ADTRP: variants seen among roughly 807,000 people sequenced by gnomAD.
The protein encoded by ADTRP is androgen dependent TFPI regulating protein.
In ADTRP, 20 loss-of-function variants were observed where a neutral mutation model predicts 27.0. That is an observed-to-expected ratio of 0.74 (90% confidence interval 0.52 to 1.08). ADTRP has a LOEUF of 1.08. Ranked by LOEUF, ADTRP falls within the 50% of genes least tolerant of loss-of-function variation. The probability of loss-of-function intolerance (pLI) is 0.00; values close to 1 mark genes in which losing one functional copy is unlikely to be tolerated. For synonymous variants in ADTRP, 101 were observed against 105.2 expected (o/e 0.96, Z 0.25); for missense variants, 251 against 275.0 (o/e 0.91, Z 0.62).
At chr6:11,770,292 C>T (rs1763727850) in intron 1 of ADTRP, among the ~76,000 whole-genome samples, 1 of 152,128 alleles carries the variant, frequency 6.6e-6, no homozygotes, top group African/African-American at 2.4e-5. Context: ...TTAAAATCCT[C>T]CCAGGTGATT....
intron 3 of ADTRP, among the ~76,000 whole-genome samples, chr6:11,758,576 G>GA (rs1053702046): frequency 6.1e-5 from 1 of 16,326 alleles, no homozygotes; most frequent in Non-Finnish European, 1.3e-4. Flanking sequence ...GTTGTGGGGT[G>GA]GGGGGGGGGG....
chr6:11,733,919 C>T (rs1315007269), intron 4 of ADTRP, among the ~76,000 whole-genome samples: 1 of 152,020 alleles, frequency 6.6e-6, no homozygotes, highest in Non-Finnish European at 1.5e-5. Flanking sequence ...CTTCTTCATC[C>T]CCAAAAAGGA....
At chr6:11,777,726 C>G (rs1037086659) in intron 1 of ADTRP, among the ~76,000 whole-genome samples, 1 of 152,102 alleles carries the variant, frequency 6.6e-6, no homozygotes, top group Non-Finnish European at 1.5e-5. Context: ...CTCTCCATTT[C>G]CACGTCCTTA....
chr6:11,717,095 C>T, intron 5 of ADTRP: 1 of 434,320 alleles, frequency 2.3e-6, no homozygotes, highest in Non-Finnish European at 3.8e-6. Flanking sequence ...GATCATATAT[C>T]TTACCCAAAC....
intron 4 of ADTRP, among the ~76,000 whole-genome samples, chr6:11,729,317 G>C (rs941844390): frequency 7.2e-5 from 11 of 152,144 alleles, no homozygotes; most frequent in Non-Finnish European, 8.8e-5. Context: ...TGTCGGCAGT[G>C]ATGAGAGTCA....
In ADTRP at chr6:11,778,669, C is replaced by T. The variant is rs758519538; in HGVS notation, c.91G>A (p.Glu31Lys). 30 of 1,614,080 alleles carry T rather than the reference C, an allele frequency of 1.9e-5. No homozygotes were observed. Among genetic ancestry groups the T allele is most frequent in the East Asian group, 8.9e-5 (4 of 44,896 alleles). Residue 31 changes from glutamate (E) to lysine (K), a missense_variant, in exon 1 of 6, where the codon GAG becomes AAG. Transcript: ENST00000414691. ...NYYISQEGKD[E>K]VKPKILANGA... ...TTTGCCAAGATTTTGGGTTTCACCT[C>T]GTCTTTTCCTTCCTGTGAGATGTAA...
In ADTRP at chr6:11,743,852, G is replaced by A. The variant is rs117576229; in HGVS notation, c.391-8169C>T. Among the ~76,000 whole-genome samples, 206 of 152,320 alleles carry A rather than the reference G, an allele frequency of 1.4e-3. 4 individuals carry two copies. In the East Asian group the frequency reaches 0.027, roughly 20 times the overall value. ...TACCAGCACCCACATAGCAGGCTGCGTCCAGGATGGCAGGGTTGCAGAATC... is the reference window on the plus strand; with the variant it reads ...TACCAGCACCCACATAGCAGGCTGCATCCAGGATGGCAGGGTTGCAGAATC... On this transcript the variant is annotated intron_variant, in intron 3 of 5. Transcript: ENST00000414691.
At chr6:11,769,800 A>G (rs1305025212) in intron 1 of ADTRP, among the ~76,000 whole-genome samples, 1 of 152,206 alleles carries the variant, frequency 6.6e-6, no homozygotes, top group African/African-American at 2.4e-5. Flanking sequence ...TAGATTTTAA[A>G]TGTAGAAAAA....
At chr6:11,718,744 C>T (rs1561738331) in intron 5 of ADTRP, among the ~76,000 whole-genome samples, 1 of 152,244 alleles carries the variant, frequency 6.6e-6, no homozygotes, top group Admixed American at 6.5e-5. Flanking sequence ...CAACCCTCTG[C>T]CTCATGACAC....
chr6:11,740,866 A>G (rs1561754306), intron 3 of ADTRP, among the ~76,000 whole-genome samples: 3 of 152,196 alleles, frequency 2.0e-5, no homozygotes, highest in South Asian at 4.1e-4. Context: ...ATATCTGGAA[A>G]TCTGGAAATG....
At chr6:11,765,525 C>A (rs999421856) in intron 3 of ADTRP, among the ~76,000 whole-genome samples, 15 of 152,094 alleles carry the variant, frequency 9.9e-5, no homozygotes, top group Admixed American at 9.8e-4. Flanking sequence ...ATTACCTTCA[C>A]AGAATCTGAG....
At chr6:11,757,176 T>C (rs1315168785) in intron 3 of ADTRP, among the ~76,000 whole-genome samples, 3 of 152,292 alleles carry the variant, frequency 2.0e-5, no homozygotes, top group East Asian at 1.9e-4. Flanking sequence ...ACAAAAGAAA[T>C]GTAGAGTCTG....
chr6:11,719,160 C>A (rs563098499), intron 5 of ADTRP, among the ~76,000 whole-genome samples: 18 of 152,278 alleles, frequency 1.2e-4, no homozygotes, highest in African/African-American at 4.3e-4. Flanking sequence ...CAGAATTATC[C>A]ACATTGGGAG....
At chr6:11,776,193 G>C (rs943096893) in intron 1 of ADTRP, among the ~76,000 whole-genome samples, 1 of 152,212 alleles carries the variant, frequency 6.6e-6, no homozygotes, top group East Asian at 1.9e-4. Flanking sequence ...ACACTTTCAA[G>C]ATGACTCCTA....
intron 3 of ADTRP, among the ~76,000 whole-genome samples, chr6:11,737,466 G>A (rs1762587949): frequency 6.6e-6 from 1 of 152,194 alleles, no homozygotes; most frequent in Non-Finnish European, 1.5e-5. Flanking sequence ...AGTCTTTGCT[G>A]TCATTCACAA....
intron 3 of ADTRP, among the ~76,000 whole-genome samples, chr6:11,740,547 G>A (rs193135295): frequency 1.6e-4 from 25 of 152,258 alleles, no homozygotes; most frequent in Admixed American, 1.3e-4. Flanking sequence ...TTATTATTAC[G>A]CTGCTGGGTC....
At chr6:11,753,786 C>G (rs1411086895) in intron 3 of ADTRP, among the ~76,000 whole-genome samples, 3 of 152,150 alleles carry the variant, frequency 2.0e-5, no homozygotes, top group African/African-American at 7.2e-5. Context: ...GAAATCTCAT[C>G]TTATTATCAT....
rs1037458425 is a variant in ADTRP at position 11,736,154 on chromosome 6, G to A, written c.391-471C>T. On this transcript the variant is annotated intron_variant, in intron 3 of 5. Coordinates refer to ENST00000414691, the MANE Select transcript of ADTRP (RefSeq NM_032744.4). ...ATTCCTGACCTCAAGTGATCTGCCCGCCTTGGCCTCCCAAAGTGCTGGCTT... is the reference window on the plus strand; with the variant it reads ...ATTCCTGACCTCAAGTGATCTGCCCACCTTGGCCTCCCAAAGTGCTGGCTT... 4 of 162,068 alleles carry A rather than the reference G, an allele frequency of 2.5e-5. No homozygotes were observed. In the East Asian group the frequency reaches 5.5e-4, roughly 22 times the overall value. 10.0% of individuals were successfully genotyped at this position (162,068 alleles called of 1,614,324 possible).
At chr6:11,733,443 G>GT (rs112136397) in intron 4 of ADTRP, among the ~76,000 whole-genome samples, 11,987 of 152,208 alleles carry the variant, frequency 0.079, 825 homozygotes, top group South Asian at 0.2. Flanking sequence ...TGCAGATGCT[G>GT]TTTTTTCTGC....
Sources: allele counts gnomAD v4.1 joint callset (sites outside exome capture counted in the v4.1 genomes callset), GRCh38; gene constraint gnomAD v4.1.1; transcripts MANE v1.5; gene names NCBI Gene and HGNC (gene_info 2026-07-23, HGNC 2026-07-21).